FUT8: variants seen among roughly 807,000 people sequenced by gnomAD.
The protein encoded by FUT8 is alpha-(1,6)-fucosyltransferase.
A neutral mutation model predicts 71.3 loss-of-function variants in FUT8; 29 were observed. The observed-to-expected ratio is 0.41, with a 90% CI of 0.30 to 0.55. The LOEUF is 0.55. Ranked by LOEUF, FUT8 falls within the 20% of genes least tolerant of loss-of-function variation. The pLI is 0.34. For synonymous variants in FUT8, 254 were observed against 239.3 expected, an observed-to-expected ratio of 1.06 and a Z score of -0.57; for missense variants, 544 against 702.1, an observed-to-expected ratio of 0.77 and a Z score of 2.55.
intron 1 of FUT8, among the ~76,000 whole-genome samples, chr14:65,450,449 T>C (rs1595392247): frequency 6.6e-6 from 1 of 152,352 alleles, no homozygotes; most frequent in East Asian, 1.9e-4. Flanking sequence ...ATTATGTTCA[T>C]GTTCAGTTAG....
At chr14:65,687,365 G>C (rs1195180360) in intron 7 of FUT8, among the ~76,000 whole-genome samples, 1 of 152,058 alleles carries the variant, frequency 6.6e-6, no homozygotes, top group Non-Finnish European at 1.5e-5. Context: ...GTGTTAATTG[G>C]ACAGTAGTGT....
chr14:65,608,790 T>C (rs995530015), intron 3 of FUT8, among the ~76,000 whole-genome samples: 1 of 152,030 alleles, frequency 6.6e-6, no homozygotes, highest in African/African-American at 2.4e-5. Flanking sequence ...CCTATATAGC[T>C]ATTGCTGCAG....
chr14:65,645,682 A>G (rs963307870), intron 6 of FUT8, among the ~76,000 whole-genome samples: 3 of 152,218 alleles, frequency 2.0e-5, no homozygotes, highest in East Asian at 3.8e-4. Context: ...TGCTTGTGCT[A>G]CATTTTTAAT....
chr14:65,716,894 C>T (rs1464824327), intron 7 of FUT8, among the ~76,000 whole-genome samples: 18 of 136,614 alleles, frequency 1.3e-4, no homozygotes, highest in Admixed American at 5.9e-4. Context: ...ACGGGGCGGC[C>T]GGGCAGAGGC....
the FUT8 span, among the ~76,000 whole-genome samples, chr14:65,401,315 A>T: frequency 6.6e-6 from 1 of 152,192 alleles, no homozygotes; most frequent in Admixed American, 6.5e-5. Flanking sequence ...GGTACCAAAG[A>T]TGTCAGCCAG....
rs1349296506 is a variant in FUT8, at chr14:65,660,689, C to T, written c.598-8554C>T. Among the ~76,000 whole-genome samples the T allele has an allele frequency of 6.6e-6, 1 of 152,170 alleles. No individual in the cohort carries two copies. Among genetic ancestry groups the T allele is most frequent in the African/African-American group, 2.4e-5 (1 of 41,452 alleles). On this transcript the variant is annotated intron_variant, in intron 6 of 10. Transcript: ENST00000673929. This position sits in a 1 kb window ranked among gnomAD's most constrained non-coding sequence, Gnocchi z 4.1. The stretch of plus-strand genomic sequence containing the variant: ...AAAGGATGCCTTAGTACAGTCTTAA[C>T]TTTGCTATGGAAATATTCTTGTTTA...
At chr14:65,540,756 T>G (rs1260674859) in intron 2 of FUT8, among the ~76,000 whole-genome samples, 2 of 152,334 alleles carry the variant, frequency 1.3e-5, no homozygotes, top group East Asian at 3.9e-4. Context: ...GAGCATGTGT[T>G]GTGTATGGAG....
intron 2 of FUT8, among the ~76,000 whole-genome samples, chr14:65,547,095 A>G (rs1377382523): frequency 6.6e-6 from 1 of 151,436 alleles, no homozygotes; most frequent in African/African-American, 2.4e-5. Flanking sequence ...CATTCCTAAT[A>G]TTAGCAGCTT....
intron 7 of FUT8, among the ~76,000 whole-genome samples, chr14:65,721,201 A>G (rs1167578938): frequency 6.6e-6 from 1 of 151,636 alleles, no homozygotes; most frequent in African/African-American, 2.4e-5. Flanking sequence ...CGATTGGTTG[A>G]GGCTTCTATT....
rs1172081023 is a variant in FUT8 at position 65,655,399 on chromosome 14, C to G, written c.598-13844C>G. 3.3e-5 allele frequency among the ~76,000 whole-genome samples: 5 copies of G among 150,458 alleles called. No individual in the cohort carries two copies. The East Asian group carries it at 9.9e-4, about 30-fold the overall frequency. ...GCTGTGGCAGGAGAATGGCATGAACCTGGGAGGCGGAACTTGCAGTGAGCC... is the reference window on the plus strand; with the variant it reads ...GCTGTGGCAGGAGAATGGCATGAACGTGGGAGGCGGAACTTGCAGTGAGCC... On this transcript the variant is annotated intron_variant, in intron 6 of 10. Coordinates refer to ENST00000673929, the MANE Select transcript of FUT8 (RefSeq NM_001371533.1).
At chr14:65,692,508 ACCC>A (rs375551950) in intron 7 of FUT8, among the ~76,000 whole-genome samples, 2 of 13,768 alleles carry the variant, frequency 1.5e-4, no homozygotes, top group South Asian at 2.5e-3. Context: ...CGGGGGGCTG[ACCC>A]CCCCCCCACC....
At chr14:65,648,909 G>A (rs963931852) in intron 6 of FUT8, among the ~76,000 whole-genome samples, 1 of 152,186 alleles carries the variant, frequency 6.6e-6, no homozygotes, top group African/African-American at 2.4e-5. Flanking sequence ...GAAAGATTAA[G>A]ATGCAAATGC....
intron 6 of FUT8, among the ~76,000 whole-genome samples, chr14:65,653,093 C>T (rs1891490456): frequency 6.6e-6 from 1 of 152,138 alleles, no homozygotes; most frequent in Non-Finnish European, 1.5e-5. Context: ...CATAGCATCA[C>T]TTCTGCCCTA....
At chr14:65,496,416 C>A (rs971977106) in intron 2 of FUT8, among the ~76,000 whole-genome samples, 1 of 152,152 alleles carries the variant, frequency 6.6e-6, no homozygotes, top group Non-Finnish European at 1.5e-5. Context: ...TTTGTCTCCT[C>A]ACCCAAATCT....
chr14:65,390,234 A>G, the FUT8 span, among the ~76,000 whole-genome samples: 2 of 151,376 alleles, frequency 1.3e-5, no homozygotes, highest in Non-Finnish European at 2.9e-5. Flanking sequence ...TTGCACTTGT[A>G]ATGGCTTGAA....
chr14:65,499,590 G>T (rs1329013559), intron 2 of FUT8, among the ~76,000 whole-genome samples: 1 of 152,020 alleles, frequency 6.6e-6, no homozygotes, highest in African/African-American at 2.4e-5. Flanking sequence ...GAGGTGGGAG[G>T]ATTACTTGAG....
chr14:65,538,729 G>A (rs1330617201), intron 2 of FUT8, among the ~76,000 whole-genome samples: 1 of 152,100 alleles, frequency 6.6e-6, no homozygotes, highest in East Asian at 1.9e-4. Context: ...AGACCAGCCT[G>A]GCCAACATGA....
chr14:65,738,326 A>G (rs1896325829), intron 10 of FUT8, among the ~76,000 whole-genome samples: 1 of 152,106 alleles, frequency 6.6e-6, no homozygotes, highest in Non-Finnish European at 1.5e-5. Flanking sequence ...CAAAAATAAG[A>G]TCCCATCTAC....
At chr14:65,484,317 T>C (rs868780813) in intron 2 of FUT8, among the ~76,000 whole-genome samples, 23 of 152,354 alleles carry the variant, frequency 1.5e-4, no homozygotes, top group South Asian at 8.3e-4. Context: ...TAGTCTTGTT[T>C]CTAATCTTAG....
Sources: allele counts gnomAD v4.1 joint callset (sites outside exome capture counted in the v4.1 genomes callset), GRCh38; gene constraint gnomAD v4.1.1; non-coding constraint Gnocchi (gnomAD v3.1); transcripts MANE v1.5; gene names NCBI Gene and HGNC (gene_info 2026-07-23, HGNC 2026-07-21).